MLLT3: variants seen among roughly 807,000 people sequenced by gnomAD.
MLLT3 encodes the protein protein AF-9.
Under a neutral mutation model 53.2 loss-of-function variants are expected in MLLT3, and 4 were observed. That is an observed-to-expected ratio of 0.08 (90% CI 0.04 to 0.17). The LOEUF (loss-of-function observed/expected upper bound fraction) is 0.17, where lower values mean the gene tolerates loss of function less well. Among genes scored for constraint, MLLT3 ranks in the 10% least tolerant of loss-of-function variants. The probability of loss-of-function intolerance (pLI) is 1.00; values close to 1 mark genes in which losing one functional copy is unlikely to be tolerated. For synonymous variants in MLLT3, 283 were observed against 230.6 expected (o/e 1.23, Z -2.06); for missense variants, 569 against 684.0 (o/e 0.83, Z 1.87).
chr9:20,370,375 G>A (rs561943040), intron 5 of MLLT3, among the ~76,000 whole-genome samples: 4 of 152,108 alleles, frequency 2.6e-5, no homozygotes, highest in African/African-American at 9.6e-5. Flanking sequence ...ATCTCTAACT[G>A]CTCCACCAAC....
intron 2 of MLLT3, among the ~76,000 whole-genome samples, chr9:20,460,336 AC>A (rs1824077114): frequency 6.6e-6 from 1 of 152,216 alleles, no homozygotes; most frequent in Admixed American, 6.5e-5. Context: ...ATGAATATTC[AC>A]CTTTAGAAAG....
intron 2 of MLLT3, among the ~76,000 whole-genome samples, chr9:20,458,562 T>G (rs1824028476): frequency 1.3e-5 from 2 of 152,166 alleles, no homozygotes; most frequent in South Asian, 4.1e-4. Context: ...GATTAGGTCA[T>G]GAAGGTGGAA....
intron 2 of MLLT3, among the ~76,000 whole-genome samples, chr9:20,516,545 C>A (rs1817925302): frequency 6.6e-6 from 1 of 152,190 alleles, no homozygotes; most frequent in African/African-American, 2.4e-5. Flanking sequence ...GCCAAAGGCA[C>A]ATAATACTAT....
chr9:20,582,428 T>C (rs560498524), intron 2 of MLLT3, among the ~76,000 whole-genome samples: 65 of 152,328 alleles, frequency 4.3e-4, no homozygotes, highest in Admixed American at 1.6e-3. Context: ...CAGCAACCAC[T>C]GAACTTTTTA....
At chr9:20,370,376 C>T (rs1821567952) in intron 5 of MLLT3, among the ~76,000 whole-genome samples, 1 of 152,070 alleles carries the variant, frequency 6.6e-6, no homozygotes, top group Admixed American at 6.6e-5. Flanking sequence ...TCTCTAACTG[C>T]TCCACCAACC....
intron 5 of MLLT3, among the ~76,000 whole-genome samples, chr9:20,372,550 G>T (rs1036128474): frequency 1.4e-5 from 2 of 140,874 alleles, no homozygotes; most frequent in African/African-American, 5.4e-5. Context: ...ACCACGCCCG[G>T]CTAATTTTTT....
intron 5 of MLLT3, among the ~76,000 whole-genome samples, chr9:20,385,641 A>C (rs10811348): frequency 0.17 from 26,211 of 152,124 alleles, 4,186 homozygotes; most frequent in East Asian, 0.69. Flanking sequence ...AAAATGTTAA[A>C]ATCTCAGCTG....
In MLLT3 at chr9:20,540,446, A is replaced by G. The variant is rs558717183; in HGVS notation, c.193+80208T>C. 4.6e-5 allele frequency among the ~76,000 whole-genome samples: 7 copies of G among 152,322 alleles called. No individual in the cohort carries two copies. The East Asian group carries it at 1.4e-3, about 29-fold the overall frequency. ...TCTAGGCAGAGGTTCCCAAACCTCA[A>G]TTCTTGCCTTCTGCACACCCACAGG... On this transcript the variant is annotated intron_variant, in intron 2 of 10. Transcript: ENST00000380338.
chr9:20,473,335 C>T (rs1336186095), intron 2 of MLLT3, among the ~76,000 whole-genome samples: 2 of 151,894 alleles, frequency 1.3e-5, no homozygotes, highest in African/African-American at 4.8e-5. Context: ...ACAATCATCC[C>T]CTAAAAATTT....
intron 5 of MLLT3, chr9:20,382,512 T>C (rs1188593615): frequency 6.6e-6 from 1 of 151,834 alleles, no homozygotes; most frequent in Non-Finnish European, 1.5e-5. Flanking sequence ...GGCACCCACA[T>C]GTATATTTAG....
chr9:20,562,175 T>A (rs1233703055), intron 2 of MLLT3, among the ~76,000 whole-genome samples: 1 of 152,146 alleles, frequency 6.6e-6, no homozygotes, highest in East Asian at 1.9e-4. Flanking sequence ...AAAGGGCTAT[T>A]ATACTAAGTG....
chr9:20,413,185 T>C (rs905185669), intron 5 of MLLT3, among the ~76,000 whole-genome samples: 1 of 152,250 alleles, frequency 6.6e-6, no homozygotes. Context: ...TATCAAATTA[T>C]ACATTTTACA....
rs1324981285 is a variant in MLLT3, at chr9:20,475,786, C to A, written c.194-19000G>T. ...ATTTGGCACAATTTAAATACAAGAG[C>A]TTTTTACACACCAAAGTTGAGTCCT... On this transcript the variant is annotated intron_variant, in intron 2 of 10. Coordinates refer to ENST00000380338, the MANE Select transcript of MLLT3 (RefSeq NM_004529.4). Among the ~76,000 whole-genome samples, 3 of 152,116 alleles carry A rather than the reference C, an allele frequency of 2.0e-5. No homozygotes were observed. The East Asian group carries it at 5.8e-4, about 29-fold the overall frequency.
At chr9:20,554,742 A>G (rs2131145487) in intron 2 of MLLT3, among the ~76,000 whole-genome samples, 1 of 152,316 alleles carries the variant, frequency 6.6e-6, no homozygotes. Context: ...CTCTCCCATA[A>G]TATACTTAGT....
intron 2 of MLLT3, among the ~76,000 whole-genome samples, chr9:20,577,191 C>CT (rs1327615513): frequency 6.6e-6 from 1 of 152,086 alleles, no homozygotes; most frequent in African/African-American, 2.4e-5. Flanking sequence ...TATTTAATAA[C>CT]TCCAGTTAAA....
At chr9:20,599,502 C>A (rs1820362622) in intron 2 of MLLT3, among the ~76,000 whole-genome samples, 2 of 151,644 alleles carry the variant, frequency 1.3e-5, no homozygotes, top group African/African-American at 2.4e-5. Flanking sequence ...CATGTTTCTC[C>A]CCATTGTCCA....
intron 4 of MLLT3, among the ~76,000 whole-genome samples, chr9:20,435,509 A>G (rs1272599285): frequency 6.6e-6 from 1 of 152,240 alleles, no homozygotes; most frequent in Admixed American, 6.5e-5. Context: ...TGTGGCCCAC[A>G]GTAGGTACTC....
chr9:20,587,387 C>T (rs543604327), intron 2 of MLLT3, among the ~76,000 whole-genome samples: 1 of 152,254 alleles, frequency 6.6e-6, no homozygotes, highest in East Asian at 1.9e-4. Context: ...AGCAGACACT[C>T]TTGGAAGTGA....
intron 4 of MLLT3, among the ~76,000 whole-genome samples, chr9:20,422,181 C>T (rs1823025938): frequency 1.3e-5 from 2 of 151,940 alleles, no homozygotes; most frequent in Admixed American, 6.6e-5. Flanking sequence ...ATATATGTGG[C>T]CAGTGCACAA....
Sources: gnomAD v4.1 joint callset for allele counts (sites outside exome capture counted in the v4.1 genomes callset) on GRCh38, gnomAD v4.1.1 for gene constraint, MANE v1.5 for transcripts, NCBI Gene and HGNC (gene_info 2026-07-23, HGNC 2026-07-21) for gene names.